Variants in NPEPPS observed in about 807,000 individuals in gnomAD.
The protein encoded by NPEPPS is puromycin-sensitive aminopeptidase.
A neutral mutation model predicts 115.5 loss-of-function variants in NPEPPS; 14 were observed. The ratio of observed to expected loss-of-function variants is 0.12; its 90% CI spans 0.08 to 0.19. NPEPPS has a LOEUF of 0.19. Among genes scored for constraint, NPEPPS ranks in the 10% least tolerant of loss-of-function variants. The probability of loss-of-function intolerance (pLI) is 1.00; values close to 1 mark genes in which losing one functional copy is unlikely to be tolerated. For synonymous variants in NPEPPS, 285 were observed against 390.6 expected (o/e 0.73, Z 3.19); for missense variants, 523 against 1,110.8 (o/e 0.47, Z 7.52).
At chr17:47,570,167 A>G (rs1161445725) in intron 3 of NPEPPS, among the ~76,000 whole-genome samples, 2 of 152,200 alleles carry the variant, frequency 1.3e-5, no homozygotes, top group African/African-American at 2.4e-5. Flanking sequence ...CACACCTGCA[A>G]TCCTAGCGCT....
intron 2 of NPEPPS, among the ~76,000 whole-genome samples, chr17:47,564,639 T>C (rs1014288366): frequency 7.4e-5 from 11 of 148,598 alleles, no homozygotes; most frequent in Admixed American, 2.7e-4. Context: ...CATATCAGTA[T>C]TATATATTAC....
intron 1 of NPEPPS, among the ~76,000 whole-genome samples, chr17:47,543,836 C>A (rs112979239): frequency 0.091 from 10,915 of 120,562 alleles, no homozygotes; most frequent in Non-Finnish European, 0.11. Context: ...AAAATTCTCT[C>A]ATGTGTGCAC....
At chr17:47,542,812 A>G (rs997539078) in intron 1 of NPEPPS, among the ~76,000 whole-genome samples, 2 of 152,188 alleles carry the variant, frequency 1.3e-5, no homozygotes, top group Admixed American at 6.5e-5. Flanking sequence ...CAACAAAATA[A>G]ATGCATATAA....
chr17:47,600,190 T>C (rs1254653147), intron 14 of NPEPPS, among the ~76,000 whole-genome samples: 1 of 152,138 alleles, frequency 6.6e-6, no homozygotes, highest in African/African-American at 2.4e-5. Flanking sequence ...TCTCAGTACA[T>C]TGGGAGGCCA....
intron 5 of NPEPPS, among the ~76,000 whole-genome samples, chr17:47,584,024 C>A (rs1419028608): frequency 6.6e-6 from 1 of 151,776 alleles, no homozygotes; most frequent in Non-Finnish European, 1.5e-5. Context: ...AGTTCGAGAC[C>A]AGCCTGGCCA....
intron 2 of NPEPPS, among the ~76,000 whole-genome samples, chr17:47,546,940 A>G (rs953458146): frequency 4.6e-5 from 7 of 152,202 alleles, no homozygotes; most frequent in African/African-American, 1.7e-4. Context: ...AATAAAGCTG[A>G]TGAGTTATTT....
At chr17:47,552,166 A>G (rs973965253) in intron 2 of NPEPPS, among the ~76,000 whole-genome samples, 7 of 151,398 alleles carry the variant, frequency 4.6e-5, no homozygotes, top group East Asian at 2.0e-4. Flanking sequence ...GGGTTTTGCA[A>G]TGTTCCCCAG....
At chr17:47,540,717 C>CTG in intron 1 of NPEPPS, among the ~76,000 whole-genome samples, 1 of 152,130 alleles carries the variant, frequency 6.6e-6, no homozygotes, top group East Asian at 1.9e-4. Context: ...ACAATTTAAC[C>CTG]TGTGTGTGTG....
chr17:47,621,824 T>C lies in NPEPPS; in HGVS notation c.2664T>C (p.Cys888=), dbSNP rs747566073. 6.2e-7 allele frequency: 1 copy of C among 1,613,980 alleles called. No individual in the cohort carries two copies. ...PSAERTIQQC[C]ENILLNAAWL... The stretch of plus-strand genomic sequence containing the variant: ...CTGAGCGTACCATCCAGCAGTGTTG[T>C]GAAAATATTCTGCTGAATGCTGCCT... Residue 888 remains cysteine, a synonymous_variant, in exon 23 of 23, where the codon TGT becomes TGC. Transcript: ENST00000322157.
intron 17 of NPEPPS, among the ~76,000 whole-genome samples, chr17:47,612,171 C>G (rs1024233329): frequency 1.1e-4 from 17 of 152,066 alleles, no homozygotes; most frequent in Non-Finnish European, 1.2e-4. Flanking sequence ...ACACATAATC[C>G]TTAGCAGAGT....
At chr17:47,619,826 AGT>A in intron 22 of NPEPPS, 42 bp downstream of exon 22, 1 of 1,409,356 alleles carries the variant, frequency 7.1e-7, no homozygotes. Flanking sequence ...CAGTCTAGTA[AGT>A]AAAAACAATA....
At chr17:47,588,768 T>G (rs1439254229) in intron 9 of NPEPPS, among the ~76,000 whole-genome samples, 1 of 152,166 alleles carries the variant, frequency 6.6e-6, no homozygotes, top group African/African-American at 2.4e-5. Context: ...TACATTCTTA[T>G]TAAACAACTT....
chr17:47,575,463 A>G (rs922742206), intron 3 of NPEPPS, among the ~76,000 whole-genome samples: 15 of 151,702 alleles, frequency 9.9e-5, no homozygotes, highest in African/African-American at 2.9e-4. Context: ...GACCATTCGT[A>G]TAGTATGATT....
chr17:47,612,081 T>C (rs899312007), intron 17 of NPEPPS, among the ~76,000 whole-genome samples: 1 of 152,208 alleles, frequency 6.6e-6, no homozygotes, highest in Non-Finnish European at 1.5e-5. Context: ...CAATTTATTA[T>C]ACAAAGAGCA....
At chr17:47,546,873 T>C (rs751123066) in intron 2 of NPEPPS, among the ~76,000 whole-genome samples, 1 of 152,176 alleles carries the variant, frequency 6.6e-6, no homozygotes, top group South Asian at 2.1e-4. Context: ...GATTAACTTA[T>C]TTTGTGATAC....
At chr17:47,570,821 A>G (rs1486697665) in intron 3 of NPEPPS, among the ~76,000 whole-genome samples, 1 of 152,230 alleles carries the variant, frequency 6.6e-6, no homozygotes, top group Non-Finnish European at 1.5e-5. Context: ...TCCCAATGAT[A>G]TGGCTGCCTT....
At chr17:47,541,579 G>T (rs1174603650) in intron 1 of NPEPPS, among the ~76,000 whole-genome samples, 2 of 152,104 alleles carry the variant, frequency 1.3e-5, no homozygotes, top group Non-Finnish European at 2.9e-5. Flanking sequence ...GTTTCACCAT[G>T]TTAGCCAGGC....
rs370030884 is a variant in NPEPPS at position 47,538,150 on chromosome 17, G to GCCAAAGT, written c.255+6596_255+6602dup. 7.2e-3 allele frequency among the ~76,000 whole-genome samples: 1,055 copies of GCCAAAGT among 145,958 alleles called. 5 individuals carry two copies. Among genetic ancestry groups the GCCAAAGT allele is most frequent in the African/African-American group, 0.022 (880 of 39,586 alleles). On this transcript the variant is annotated intron_variant, in intron 1 of 22. Transcript: ENST00000322157. Reference sequence around the variant, plus strand: ...TCAGGTGATCTGCCTGCCTCCGCCTGCCAAAGTGCTGGGATTACAAGTGTG... The same window carrying GCCAAAGT: ...TCAGGTGATCTGCCTGCCTCCGCCTGCCAAAGTCCAAAGTGCTGGGATTACAAGTGTG...
chr17:47,575,062 T>G (rs888542022), intron 3 of NPEPPS, among the ~76,000 whole-genome samples: 1 of 152,228 alleles, frequency 6.6e-6, no homozygotes, highest in African/African-American at 2.4e-5. Context: ...AACCACCACA[T>G]TGTGCTATCT....
Sources: gnomAD v4.1 joint callset for allele counts (sites outside exome capture counted in the v4.1 genomes callset) on GRCh38, gnomAD v4.1.1 for gene constraint, MANE v1.5 for transcripts, NCBI Gene and HGNC (gene_info 2026-07-23, HGNC 2026-07-21) for gene names.